Variants in EVL observed in about 807,000 individuals in gnomAD.
EVL encodes ena/VASP-like protein.
Under a neutral mutation model 59.6 loss-of-function variants are expected in EVL, and 21 were observed. The ratio of observed to expected loss-of-function variants is 0.35; its 90% CI spans 0.25 to 0.51. EVL has a LOEUF of 0.51. Among genes scored for constraint, EVL ranks in the 20% least tolerant of loss-of-function variants. EVL has a pLI of 0.97. For missense variants in EVL, 462 were observed against 546.6 expected (o/e 0.85, Z 1.54); for synonymous variants, 198 against 203.5 (o/e 0.97, Z 0.23).
At chr14:99,984,126 A>C (rs2060825603) in intron 1 of EVL, among the ~76,000 whole-genome samples, 1 of 152,198 alleles carries the variant, frequency 6.6e-6, no homozygotes, top group South Asian at 2.1e-4. Flanking sequence ...ACAGCATTTC[A>C]GGTGGCCACC....
chr14:100,123,467 G>C (rs900987291), intron 3 of EVL, 72 bp from the exon 4 acceptor site: 5 of 1,486,316 alleles, frequency 3.4e-6, no homozygotes, highest in Admixed American at 3.6e-5. Context: ...CAGAGATAGA[G>C]AGCACTCCAG....
intron 1 of EVL, among the ~76,000 whole-genome samples, chr14:100,045,769 GGT>G (rs1446842362): frequency 2.6e-5 from 4 of 152,176 alleles, no homozygotes; most frequent in Non-Finnish European, 5.9e-5. Flanking sequence ...ATCAGCCAGT[GGT>G]GTTTGTTCTC....
chr14:99,975,444 A>G (rs1278882674), intron 1 of EVL, among the ~76,000 whole-genome samples: 5 of 151,830 alleles, frequency 3.3e-5, no homozygotes, highest in African/African-American at 1.2e-4. Flanking sequence ...CTTCTGCCCC[A>G]TTTTCTCTTA....
intron 1 of EVL, among the ~76,000 whole-genome samples, chr14:100,054,464 G>T (rs371870396): frequency 6.2e-4 from 95 of 152,134 alleles, no homozygotes; most frequent in African/African-American, 2.2e-3. Context: ...TCTGTCTTTC[G>T]TATACAAACC....
At chr14:100,079,341 G>T (rs1224473411) in intron 1 of EVL, among the ~76,000 whole-genome samples, 1 of 152,182 alleles carries the variant, frequency 6.6e-6, no homozygotes, top group Non-Finnish European at 1.5e-5. Flanking sequence ...AATCATAAAT[G>T]CACTGTTTTT....
intron 3 of EVL, among the ~76,000 whole-genome samples, chr14:100,111,791 A>C (rs1422164924): frequency 6.6e-6 from 1 of 152,202 alleles, no homozygotes; most frequent in Non-Finnish European, 1.5e-5. Flanking sequence ...GAAGAAACAA[A>C]GGCTCACAGT....
chr14:100,093,975 G>A lies in EVL; in HGVS notation c.181-3506G>A, dbSNP rs1181370432. Among the ~76,000 whole-genome samples, 3 of 151,950 alleles carry A rather than the reference G, an allele frequency of 2.0e-5. No homozygotes were observed. The East Asian group carries it at 5.8e-4, about 29-fold the overall frequency. ...TTATTGTTGTTAATCTCTGACTATG[G>A]CTAATTTATGAGTTAAATTTTATCA... On this transcript the variant is annotated intron_variant, in intron 2 of 13. Transcript: ENST00000392920.
rs137903594 is a variant in EVL at position 100,028,134 on chromosome 14, G to GTT, written c.5+56093_5+56094dup. 3.5e-3 allele frequency among the ~76,000 whole-genome samples: 417 copies of GTT among 118,728 alleles called. 6 individuals are homozygous for GTT. In the East Asian group the frequency reaches 0.036, roughly 10 times the overall value. 77.9% of individuals were successfully genotyped at this position (118,728 alleles called of 152,430 possible). A position where few individuals can be genotyped will look rare whatever the true frequency, so the allele number is the denominator to read the frequency against. Reference sequence around the variant, plus strand: ...CTTTTAGTTGTTTTTTTGTTTGTTTGTTTTTTTTTTTTTTTTTGAGGAACC... The same window carrying GTT: ...CTTTTAGTTGTTTTTTTGTTTGTTTGTTTTTTTTTTTTTTTTTTTGAGGAACC... On this transcript the variant is annotated intron_variant, in intron 1 of 13. Transcript: ENST00000402714.
intron 1 of EVL, among the ~76,000 whole-genome samples, chr14:99,983,521 G>A (rs920940854): frequency 3.3e-5 from 5 of 152,108 alleles, no homozygotes; most frequent in Non-Finnish European, 5.9e-5. Context: ...TTTGGCAGCC[G>A]CCTACACCCT....
chr14:100,141,626 A>G, intron 12 of EVL, 110 bp from the exon 13 acceptor site: 3 of 970,494 alleles, frequency 3.1e-6, no homozygotes, highest in Non-Finnish European at 4.6e-6. Flanking sequence ...TGACAGATGC[A>G]ACTCTGGAGA....
chr14:100,078,291 CAT>C (rs568344426), intron 1 of EVL, among the ~76,000 whole-genome samples: 36 of 152,204 alleles, frequency 2.4e-4, no homozygotes, highest in African/African-American at 8.4e-4. Flanking sequence ...AAACACTTGA[CAT>C]AAAAGATAAG....
rs181629096 is a variant in EVL, at chr14:100,083,879, G to A, written c.12-808G>A. 3.8e-3 allele frequency among the ~76,000 whole-genome samples: 582 copies of A among 152,272 alleles called. 2 individuals are homozygous for A. Among genetic ancestry groups the A allele is most frequent in the Non-Finnish European group, 5.8e-3 (395 of 68,024 alleles). ...TCATATGCTCTAGAGTCAGACAGAA[G>A]TGGTTGGAAATCCCCAGTGTAATCA... On this transcript the variant is annotated intron_variant, in intron 1 of 13. Coordinates refer to ENST00000392920, the MANE Select transcript of EVL (RefSeq NM_016337.3).
intron 1 of EVL, among the ~76,000 whole-genome samples, chr14:100,049,136 G>A (rs1033106936): frequency 1.3e-5 from 2 of 152,158 alleles, no homozygotes; most frequent in African/African-American, 2.4e-5. Flanking sequence ...AAGTAGTTTT[G>A]CATTATTATG....
upstream of EVL, among the ~76,000 whole-genome samples, chr14:100,061,599 C>G (rs1269189224): frequency 6.6e-6 from 1 of 151,730 alleles, no homozygotes; most frequent in African/African-American, 2.4e-5. Flanking sequence ...ATGACTTGAA[C>G]AATCCCGGGG....
chr14:100,037,646 A>G lies in EVL; in HGVS notation c.6-47041A>G, dbSNP rs4905929. On this transcript the variant is annotated intron_variant, in intron 1 of 13. Coordinates refer to the EVL transcript ENST00000402714. ...AATAAAATATAGAATATTAGAACCA[A>G]AAAAGTTCCTTAGGTATCCCCTTGT... 3.3e-5 allele frequency among the ~76,000 whole-genome samples: 5 copies of G among 152,340 alleles called. No homozygotes were observed. In the East Asian group the frequency reaches 7.7e-4, roughly 24 times the overall value.
At chr14:100,143,505 G>A (rs181373498) in intron 13 of EVL, among the ~76,000 whole-genome samples, 196 bp from the exon 14 acceptor site, 5 of 152,310 alleles carry the variant, frequency 3.3e-5, no homozygotes, top group Admixed American at 1.3e-4. Context: ...AGGGGCCGCC[G>A]CAGAAGGAAT....
At chr14:100,047,515 G>A (rs1287717286) in intron 1 of EVL, among the ~76,000 whole-genome samples, 1 of 152,078 alleles carries the variant, frequency 6.6e-6, no homozygotes, top group Admixed American at 6.6e-5. Flanking sequence ...ATTGCTCCGG[G>A]ACAGACAGCC....
At chr14:100,025,930 C>T (rs373976287) in intron 1 of EVL, among the ~76,000 whole-genome samples, 5 of 151,972 alleles carry the variant, frequency 3.3e-5, no homozygotes, top group African/African-American at 7.3e-5. Context: ...CAGTGACACT[C>T]TGTCTCCAAA....
intron 1 of EVL, among the ~76,000 whole-genome samples, chr14:100,043,245 G>GTA (rs996256790): frequency 1.1e-4 from 17 of 150,554 alleles, no homozygotes; most frequent in South Asian, 6.3e-4. Context: ...GTGTGTGTGT[G>GTA]TATATATATA....
Sources: gnomAD v4.1 joint callset for allele counts (sites outside exome capture counted in the v4.1 genomes callset) on GRCh38, gnomAD v4.1.1 for gene constraint, MANE v1.5 for transcripts, NCBI Gene and HGNC (gene_info 2026-07-23, HGNC 2026-07-21) for gene names.